Variants in CDKAL1 observed in about 807,000 individuals in gnomAD.
The protein encoded by CDKAL1 is CDKAL1 threonylcarbamoyladenosine tRNA methylthiotransferase.
CDKAL1 carries 32 observed loss-of-function variants against 68.2 expected under a neutral mutation model. That is an observed-to-expected ratio of 0.47 (90% CI 0.35 to 0.63). The LOEUF (loss-of-function observed/expected upper bound fraction) is 0.63, where lower values mean the gene tolerates loss of function less well. Among genes scored for constraint, CDKAL1 ranks in the 30% least tolerant of loss-of-function variants. CDKAL1 has a pLI of 0.00. For missense variants in CDKAL1, 606 were observed against 696.7 expected (o/e 0.87, Z 1.47); for synonymous variants, 234 against 244.3 (o/e 0.96, Z 0.39).
At chr6:20,788,329 G>A (rs1186966662) in intron 8 of CDKAL1, among the ~76,000 whole-genome samples, 1 of 152,112 alleles carries the variant, frequency 6.6e-6, no homozygotes, top group Non-Finnish European at 1.5e-5. Flanking sequence ...TCCTAACATG[G>A]CTCTCATGAA....
intron 4 of CDKAL1, among the ~76,000 whole-genome samples, chr6:20,647,005 A>T (rs755085959): frequency 6.6e-6 from 1 of 152,172 alleles, no homozygotes; most frequent in African/African-American, 2.4e-5. Flanking sequence ...TCGGCCTCCC[A>T]AAGTGCCGGG....
At chr6:21,156,509 T>G (rs1041298781) in intron 13 of CDKAL1, among the ~76,000 whole-genome samples, 53 of 152,124 alleles carry the variant, frequency 3.5e-4, no homozygotes, top group African/African-American at 1.3e-3. Flanking sequence ...AGAATCCCTT[T>G]TTTTCCTTTT....
intron 6 of CDKAL1, among the ~76,000 whole-genome samples, chr6:20,753,965 G>A (rs1774052586): frequency 6.7e-6 from 1 of 150,226 alleles, no homozygotes; most frequent in South Asian, 2.1e-4. Context: ...GTATGTGTGT[G>A]TGTGTGTGTG....
At chr6:20,961,289 G>C (rs1031190815) in intron 10 of CDKAL1, among the ~76,000 whole-genome samples, 1 of 152,130 alleles carries the variant, frequency 6.6e-6, no homozygotes, top group Non-Finnish European at 1.5e-5. Flanking sequence ...GTCCTTTGCA[G>C]GAACATAGAT....
chr6:20,729,765 G>A (rs924304777), intron 5 of CDKAL1, among the ~76,000 whole-genome samples: 3 of 152,112 alleles, frequency 2.0e-5, no homozygotes, highest in Non-Finnish European at 4.4e-5. Flanking sequence ...CTTAAGTCTG[G>A]GTGCTAACTA....
intron 15 of CDKAL1, among the ~76,000 whole-genome samples, chr6:21,206,106 C>T (rs970837902): frequency 1.3e-5 from 2 of 152,176 alleles, no homozygotes; most frequent in South Asian, 2.1e-4. Flanking sequence ...GCTGGGATTA[C>T]AGGCGTGAGC....
intron 9 of CDKAL1, among the ~76,000 whole-genome samples, chr6:20,875,269 G>C (rs544695647): frequency 3.7e-5 from 5 of 134,580 alleles, no homozygotes; most frequent in African/African-American, 1.4e-4. Context: ...ACTGCAGTCC[G>C]CAGTCCGGCC....
intron 7 of CDKAL1, among the ~76,000 whole-genome samples, chr6:20,768,617 T>G (rs1225288116): frequency 6.6e-6 from 1 of 152,122 alleles, no homozygotes; most frequent in Non-Finnish European, 1.5e-5. Context: ...TCTTTTGCCC[T>G]TCCTCCATTC....
chr6:21,057,763 T>G (rs535119870), intron 11 of CDKAL1, among the ~76,000 whole-genome samples: 1 of 152,342 alleles, frequency 6.6e-6, no homozygotes, highest in African/African-American at 2.4e-5. Context: ...CTTAATTTCA[T>G]TATTTGCCCA....
At chr6:20,867,371 C>T (rs1406493813) in intron 9 of CDKAL1, among the ~76,000 whole-genome samples, 2 of 152,048 alleles carry the variant, frequency 1.3e-5, no homozygotes, top group Admixed American at 6.5e-5. Flanking sequence ...TGTCAAATAA[C>T]GGTTATTTTG....
chr6:20,954,107 A>C (rs986285462), intron 9 of CDKAL1, among the ~76,000 whole-genome samples: 1 of 152,146 alleles, frequency 6.6e-6, no homozygotes, highest in African/African-American at 2.4e-5. Context: ...AAATGTTTTC[A>C]TATGGTTTAG....
chr6:20,713,976 A>G (rs1009367474), intron 5 of CDKAL1, among the ~76,000 whole-genome samples: 1 of 152,166 alleles, frequency 6.6e-6, no homozygotes, highest in Non-Finnish European at 1.5e-5. Context: ...TTTATCCTTA[A>G]AAAAAGAAAA....
At chr6:21,020,903 G>GC (rs766410851) in intron 11 of CDKAL1, among the ~76,000 whole-genome samples, 30 of 151,170 alleles carry the variant, frequency 2.0e-4, no homozygotes, top group Non-Finnish European at 3.2e-4. Flanking sequence ...GTGTGTGTGT[G>GC]CCACGGTACC....
rs954677473 is a variant in CDKAL1, at chr6:21,153,029, T to C, written c.1299+44566T>C. Among the ~76,000 whole-genome samples, 17 of 152,346 alleles carry C rather than the reference T, an allele frequency of 1.1e-4. 1 individual carries two copies. The highest frequency in any genetic ancestry group is 7.7e-4 in the East Asian group (4 of 5,190). On this transcript the variant is annotated intron_variant, in intron 13 of 15. Transcript: ENST00000274695. ...TTAATCACCCTACTATATAAAGCCA[T>C]TTGAATAATTCATGTTCACTGGTTC... is the stretch of plus-strand genomic sequence containing the variant.
At chr6:20,597,424 T>C (rs1765880639) in intron 4 of CDKAL1, among the ~76,000 whole-genome samples, 1 of 148,340 alleles carries the variant, frequency 6.7e-6, no homozygotes, top group Admixed American at 6.7e-5. Context: ...CACCATTTTT[T>C]ATTTTTTTGA....
Position 20,539,273 on chromosome 6 carries a change from T to A in CDKAL1, c.-6+3879T>A, listed in dbSNP as rs2127644870. 6.6e-6 allele frequency among the ~76,000 whole-genome samples: 1 copy of A among 152,264 alleles called. No homozygotes were observed. Among genetic ancestry groups the A allele is most frequent in the African/African-American group, 2.4e-5 (1 of 41,544 alleles). ...ATCCATATATTGCCCGACTGTGTAGTCTGCAGTAAAAGTATTTATTGAGAA... is the reference window on the plus strand; with the variant it reads ...ATCCATATATTGCCCGACTGTGTAGACTGCAGTAAAAGTATTTATTGAGAA... On this transcript the variant is annotated intron_variant, in intron 2 of 15. Coordinates refer to ENST00000274695, the MANE Select transcript of CDKAL1 (RefSeq NM_017774.3). This position sits in a 1 kb window ranked among gnomAD's most constrained non-coding sequence, Gnocchi z 4.3.
At chr6:20,707,527 AC>A (rs1316545006) in intron 5 of CDKAL1, among the ~76,000 whole-genome samples, 1 of 152,196 alleles carries the variant, frequency 6.6e-6, no homozygotes, top group Non-Finnish European at 1.5e-5. Context: ...ACCATATAGC[AC>A]CTGTCTGCTT....
At chr6:20,905,614 A>T (rs1762196940) in intron 9 of CDKAL1, among the ~76,000 whole-genome samples, 1 of 152,138 alleles carries the variant, frequency 6.6e-6, no homozygotes, top group African/African-American at 2.4e-5. Context: ...AGTAGGATGA[A>T]CTCAGAGACC....
chr6:20,628,372 C>A (rs911663803), intron 4 of CDKAL1, among the ~76,000 whole-genome samples: 3 of 151,978 alleles, frequency 2.0e-5, no homozygotes, highest in South Asian at 2.1e-4. Context: ...TCTTTTTTAG[C>A]TGGAAATAGA....
Sources: allele counts gnomAD v4.1 joint callset (sites outside exome capture counted in the v4.1 genomes callset), GRCh38; gene constraint gnomAD v4.1.1; non-coding constraint Gnocchi (gnomAD v3.1); transcripts MANE v1.5; gene names NCBI Gene and HGNC (gene_info 2026-07-23, HGNC 2026-07-21).